The following CDH4 variants were observed in gnomAD, a reference collection of about 807,000 sequenced individuals.
The protein encoded by CDH4 is cadherin 4.
CDH4 carries 33 observed loss-of-function variants against 86.0 expected under a neutral mutation model. That is an observed-to-expected ratio of 0.38 (90% CI 0.29 to 0.51). The LOEUF is 0.51. CDH4 is among the 20% of genes least tolerant of loss of function. CDH4 has a pLI of 0.86. For missense variants in CDH4, 1,114 were observed against 1,307.4 expected, an observed-to-expected ratio of 0.85 and a Z score of 2.28; for synonymous variants, 555 against 549.4, an observed-to-expected ratio of 1.01 and a Z score of -0.14.
intron 2 of CDH4, among the ~76,000 whole-genome samples, chr20:61,632,672 C>T (rs1296259467): frequency 6.6e-6 from 1 of 150,832 alleles, no homozygotes; most frequent in Admixed American, 6.6e-5. Context: ...ACACACCCAC[C>T]CTTCCTCCCC....
rs146573749 is a variant in CDH4, at chr20:61,504,052, T to C, written c.170-239511T>C. ...CCCTAGACCACAGCAGCCTTCCCCA[T>C]GTCCTGTTGTTGGACCGAGGCACGC... On this transcript the variant is annotated intron_variant, in intron 2 of 15. Transcript: ENST00000614565. Among the ~76,000 whole-genome samples the C allele has an allele frequency of 3.3e-5, 5 of 152,314 alleles. No homozygotes were observed. The East Asian group carries it at 7.7e-4, about 24-fold the overall frequency.
chr20:61,323,641 G>T (rs1457672949), intron 2 of CDH4, among the ~76,000 whole-genome samples: 1 of 152,146 alleles, frequency 6.6e-6, no homozygotes, highest in East Asian at 1.9e-4. Context: ...GTCTTCGTGG[G>T]TGTTTTAGTC....
At chr20:61,662,654 G>A (rs2082148407) in intron 2 of CDH4, among the ~76,000 whole-genome samples, 1 of 152,190 alleles carries the variant, frequency 6.6e-6, no homozygotes. Context: ...CAGTCCCCAG[G>A]CTGATTAGAG....
intron 2 of CDH4, among the ~76,000 whole-genome samples, chr20:61,539,032 A>G (rs1176845273): frequency 6.6e-6 from 1 of 152,126 alleles, no homozygotes; most frequent in Non-Finnish European, 1.5e-5. Flanking sequence ...AGGAGGACTA[A>G]AGGAGGATCC....
intron 2 of CDH4, among the ~76,000 whole-genome samples, chr20:61,300,943 C>T (rs922935246): frequency 1.3e-5 from 2 of 152,338 alleles, no homozygotes; most frequent in African/African-American, 4.8e-5. Context: ...CTCCCTCCCC[C>T]GGCCCCTGCA....
At chr20:61,541,653 T>C (rs2086040406) in intron 2 of CDH4, among the ~76,000 whole-genome samples, 1 of 152,230 alleles carries the variant, frequency 6.6e-6, no homozygotes, top group African/African-American at 2.4e-5. Flanking sequence ...AGGCAGCATC[T>C]CTTCGCCATG....
At chr20:61,923,828 C>A in intron 10 of CDH4, 124 bp downstream of exon 10, 1 of 1,241,026 alleles carries the variant, frequency 8.1e-7, no homozygotes, top group Non-Finnish European at 1.1e-6. Flanking sequence ...GGGGGCATCT[C>A]CAACCTAAGG....
intron 2 of CDH4, among the ~76,000 whole-genome samples, chr20:61,527,974 G>C (rs1306470559): frequency 1.3e-5 from 2 of 152,072 alleles, no homozygotes; most frequent in African/African-American, 4.8e-5. Flanking sequence ...CTGACACTTT[G>C]GACAATCTAC....
At chr20:61,762,604 G>A (rs2088648499) in intron 3 of CDH4, among the ~76,000 whole-genome samples, 1 of 152,240 alleles carries the variant, frequency 6.6e-6, no homozygotes, top group South Asian at 2.1e-4. Context: ...TGGAAGACAA[G>A]GAGAGGCAGC....
At chr20:61,731,180 G>A (rs2088179858) in intron 2 of CDH4, among the ~76,000 whole-genome samples, 1 of 152,036 alleles carries the variant, frequency 6.6e-6, no homozygotes, top group Non-Finnish European at 1.5e-5. Flanking sequence ...CCTCAGCCCT[G>A]CCCTTGGCTC....
chr20:61,603,623 C>T (rs73611546), intron 2 of CDH4, among the ~76,000 whole-genome samples: 3,842 of 152,306 alleles, frequency 0.025, 143 homozygotes, highest in East Asian at 0.18. Flanking sequence ...CCCTTCACTC[C>T]ATGCCCACCC....
intron 2 of CDH4, among the ~76,000 whole-genome samples, chr20:61,329,161 TG>T (rs759280203): frequency 2.6e-5 from 4 of 152,284 alleles, no homozygotes; most frequent in Non-Finnish European, 4.4e-5. Flanking sequence ...GTATCATTTT[TG>T]TACCATCATA....
At chr20:61,854,318 G>A (rs1224901689) in intron 6 of CDH4, among the ~76,000 whole-genome samples, 1 of 152,204 alleles carries the variant, frequency 6.6e-6, no homozygotes, top group Admixed American at 6.5e-5. Context: ...GGAGGTGGCT[G>A]CGTGGGCGGT....
intron 2 of CDH4, among the ~76,000 whole-genome samples, chr20:61,735,106 G>A (rs2088245854): frequency 1.3e-5 from 2 of 152,068 alleles, no homozygotes; most frequent in Admixed American, 6.5e-5. Flanking sequence ...CCCTGCCCTG[G>A]GCTGATCTGG....
chr20:61,332,793 G>C (rs552157837), intron 2 of CDH4, among the ~76,000 whole-genome samples: 2 of 152,196 alleles, frequency 1.3e-5, no homozygotes, highest in Non-Finnish European at 2.9e-5. Flanking sequence ...TCCCTGCCCC[G>C]GCTGTGGCGC....
chr20:61,500,185 A>G (rs1440646340), intron 2 of CDH4, among the ~76,000 whole-genome samples: 5 of 152,094 alleles, frequency 3.3e-5, no homozygotes, highest in African/African-American at 1.2e-4. Context: ...TGTTCATACT[A>G]CTGTTGTGTT....
intron 2 of CDH4, among the ~76,000 whole-genome samples, chr20:61,485,255 C>T (rs1322230369): frequency 6.6e-6 from 1 of 152,198 alleles, no homozygotes; most frequent in Non-Finnish European, 1.5e-5. Flanking sequence ...TATAGGGTGA[C>T]AGGGAGACCT....
At position 61,709,401 on chromosome 20, in the gene CDH4, A is replaced by G. The variant is rs546220898; in HGVS notation, c.170-34162A>G. Among the ~76,000 whole-genome samples the G allele has an allele frequency of 6.6e-6, 1 of 152,096 alleles. No homozygotes were observed. Among genetic ancestry groups the G allele is most frequent in the Non-Finnish European group, 1.5e-5 (1 of 67,994 alleles). ...GCAATTCTCCTGCCTCAGCCACCCA[A>G]GTAGTTGGGATTACAGGCGGGTGCC... is the stretch of plus-strand genomic sequence containing the variant. On this transcript the variant is annotated intron_variant, in intron 2 of 15. Coordinates refer to ENST00000614565, the MANE Select transcript of CDH4 (RefSeq NM_001794.5). The surrounding 1 kb of genome is among the most constrained non-coding windows in gnomAD (Gnocchi z 4.8).
intron 2 of CDH4, among the ~76,000 whole-genome samples, chr20:61,405,414 G>T (rs932926235): frequency 6.6e-6 from 1 of 152,004 alleles, no homozygotes; most frequent in African/African-American, 2.4e-5. Context: ...GATTTTAGGG[G>T]CTGTGAGCCT....
Sources: allele counts gnomAD v4.1 joint callset (sites outside exome capture counted in the v4.1 genomes callset), GRCh38; gene constraint gnomAD v4.1.1; non-coding constraint Gnocchi (gnomAD v3.1); transcripts MANE v1.5; gene names NCBI Gene and HGNC (gene_info 2026-07-23, HGNC 2026-07-21).